The following TMOD3 variants were observed in gnomAD, a reference collection of about 807,000 sequenced individuals.
The protein encoded by TMOD3 is tropomodulin 3, also known as tropomodulin-3.
In TMOD3, 20 loss-of-function variants were observed where a neutral mutation model predicts 39.2. The observed-to-expected ratio is 0.51, with a 90% CI of 0.36 to 0.74. TMOD3 has a LOEUF of 0.74. Ranked by LOEUF, TMOD3 falls within the 30% of genes least tolerant of loss-of-function variation. TMOD3 has a pLI of 0.00. For missense variants in TMOD3, 381 were observed against 412.8 expected, an observed-to-expected ratio of 0.92 and a Z score of 0.67; for synonymous variants, 143 against 145.8, an observed-to-expected ratio of 0.98 and a Z score of 0.14.
At chr15:51,835,011 A>C (rs2141664539) in intron 1 of TMOD3, 1 of 152,344 alleles carries the variant, frequency 6.6e-6, no homozygotes, top group East Asian at 1.9e-4. Context: ...CTTGACTGAG[A>C]TTGATCCAGG....
chr15:51,866,754 T>C (rs137987649), intron 2 of TMOD3, among the ~76,000 whole-genome samples: 2 of 152,300 alleles, frequency 1.3e-5, no homozygotes, highest in African/African-American at 4.8e-5. Context: ...TCAGTAAATA[T>C]TTGGGGGCAA....
At chr15:51,903,207 AT>A (rs1270635120) in intron 9 of TMOD3, among the ~76,000 whole-genome samples, 1 of 152,178 alleles carries the variant, frequency 6.6e-6, no homozygotes, top group Non-Finnish European at 1.5e-5. Context: ...TATGGTTCCT[AT>A]TTAATTGCTT....
intron 1 of TMOD3, chr15:51,860,609 A>C: frequency 1.8e-6 from 1 of 549,198 alleles, no homozygotes; most frequent in Non-Finnish European, 3.6e-6. Context: ...ATACCTTGCT[A>C]AGTTGAGTTT....
intron 1 of TMOD3, chr15:51,860,981 G>T: frequency 3.6e-6 from 2 of 552,070 alleles, no homozygotes; most frequent in East Asian, 9.3e-5. Flanking sequence ...GTTGAACATC[G>T]TCTTTCCTCT....
In TMOD3 at chr15:51,912,917, CAAAG is replaced by C. The variant is rs1202105224; in HGVS notation, c.*4111_*4114del. The stretch of plus-strand genomic sequence containing the variant: ...CCCTAAGATTTGCTTACCAACAAAT[CAAAG>C]AAACGCTTCACTAATTATTTTTAAA... On this transcript the variant is annotated 3_prime_UTR_variant, in exon 10 of 10. Transcript: ENST00000308580. 1.3e-5 allele frequency: 2 copies of C among 152,186 alleles called. No individual in the cohort carries two copies. The highest frequency in any genetic ancestry group is 2.4e-5 in the African/African-American group (1 of 41,454). The allele number at this position is 152,186 out of a possible 1,614,324, so 9.4% of individuals were successfully genotyped here. A position where few individuals can be genotyped will look rare whatever the true frequency, so the allele number is the denominator to read the frequency against.
At position 51,901,572 on chromosome 15, in the gene TMOD3, A is replaced by AGTGTGTGTGTGTGT. The variant is rs57976840; in HGVS notation, c.880-293_880-280dup. On this transcript the variant is annotated intron_variant, in intron 8 of 9. Coordinates refer to ENST00000308580, the MANE Select transcript of TMOD3 (RefSeq NM_014547.5). The stretch of plus-strand genomic sequence containing the variant: ...CATATTACTGAACTTTAAAAAGTTT[A>AGTGTGTGTGTGTGT]GTGTGTGTGTGTGTGTGTGTGTGTG... The AGTGTGTGTGTGTGT allele has an allele frequency of 2.8e-3, 516 of 184,880 alleles. 2 individuals are homozygous for AGTGTGTGTGTGTGT. Among genetic ancestry groups the AGTGTGTGTGTGTGT allele is most frequent in the East Asian group, 4.3e-3 (29 of 6,792 alleles). The allele number at this position is 184,880 out of a possible 1,614,324, so 11.5% of individuals were successfully genotyped here.
At chr15:51,862,402 A>G (rs2056423776) in intron 1 of TMOD3, among the ~76,000 whole-genome samples, 1 of 152,190 alleles carries the variant, frequency 6.6e-6, no homozygotes, top group South Asian at 2.1e-4. Context: ...ACTGAGTCAT[A>G]TTGTTCTCCT....
chr15:51,832,947 C>T (rs2056263880), intron 1 of TMOD3, among the ~76,000 whole-genome samples: 1 of 152,192 alleles, frequency 6.6e-6, no homozygotes, highest in African/African-American at 2.4e-5. Context: ...ATGAGGAGGG[C>T]ATTATTCTCT....
Position 51,897,804 on chromosome 15 carries a change from AAC to A in TMOD3, c.735+1279_735+1280del, listed in dbSNP as rs1480553444. Among the ~76,000 whole-genome samples, 164 of 151,532 alleles carry A rather than the reference AAC, an allele frequency of 1.1e-3. 7 individuals are homozygous for A. The highest frequency in any genetic ancestry group is 8.5e-3 in the East Asian group (44 of 5,156). Reference sequence around the variant, plus strand: ...AGCAAAAAAAAAAAAAAAAACAAAAAACTAATGGAATCATTCTCGACATCCCT... The same window carrying A: ...AGCAAAAAAAAAAAAAAAAACAAAAATAATGGAATCATTCTCGACATCCCT... On this transcript the variant is annotated intron_variant, in intron 7 of 9. Coordinates refer to ENST00000308580, the MANE Select transcript of TMOD3 (RefSeq NM_014547.5).
At chr15:51,890,593 A>C (rs1164270338) in intron 5 of TMOD3, among the ~76,000 whole-genome samples, 2 of 152,140 alleles carry the variant, frequency 1.3e-5, no homozygotes, top group African/African-American at 4.8e-5. Flanking sequence ...TTTAATTTGC[A>C]TGTGAGAAAG....
chr15:51,900,968 A>T (rs1219264636), intron 8 of TMOD3: 1 of 152,120 alleles, frequency 6.6e-6, no homozygotes, highest in African/African-American at 2.4e-5. Context: ...TCATTACCCC[A>T]AAAAGAAACC....
chr15:51,870,260 C>G (rs1223816102), intron 3 of TMOD3, among the ~76,000 whole-genome samples: 1 of 152,056 alleles, frequency 6.6e-6, no homozygotes, highest in East Asian at 1.9e-4. Flanking sequence ...TTTAAAAGTT[C>G]TATATATAAT....
intron 1 of TMOD3, among the ~76,000 whole-genome samples, chr15:51,832,233 G>T (rs1277041045): frequency 1.1e-4 from 6 of 54,462 alleles, no homozygotes; most frequent in Admixed American, 4.4e-4. Context: ...ATATATATAT[G>T]AATGACATGG....
chr15:51,841,148 A>T lies in TMOD3; in HGVS notation c.-75+11312A>T, dbSNP rs143156914. 2.0e-5 allele frequency among the ~76,000 whole-genome samples: 3 copies of T among 152,276 alleles called. No individual in the cohort carries two copies. The East Asian group carries it at 5.8e-4, about 29-fold the overall frequency. On this transcript the variant is annotated intron_variant, in intron 1 of 9. Transcript: ENST00000308580. ...TATTTTGCAAGGTTATTATGAGGAG[A>T]TGTGTATGATAAAGTGCCTGGCATA...
intron 1 of TMOD3, among the ~76,000 whole-genome samples, chr15:51,834,387 C>G (rs1235641444): frequency 6.6e-6 from 1 of 152,072 alleles, no homozygotes; most frequent in African/African-American, 2.4e-5. Context: ...GCTTTTTCTT[C>G]TAGAAACTTT....
At chr15:51,860,464 C>T (rs1268009947) in intron 1 of TMOD3, 20 of 566,706 alleles carry the variant, frequency 3.5e-5, no homozygotes, top group Non-Finnish European at 6.3e-5. Context: ...AGTTTTGGGC[C>T]CTCTGGATGA....
Position 51,885,284 on chromosome 15 carries a change from C to CTTTTTTTTTT in TMOD3, c.284-2296_284-2287dup, listed in dbSNP as rs67378569. 9.5e-5 allele frequency among the ~76,000 whole-genome samples: 12 copies of CTTTTTTTTTT among 126,970 alleles called. 1 individual carries two copies. Among genetic ancestry groups the CTTTTTTTTTT allele is most frequent in the Non-Finnish European group, 1.3e-4 (8 of 59,612 alleles). The allele number at this position is 126,970 out of a possible 152,430, so 83.3% of individuals were successfully genotyped here. A position where few individuals can be genotyped will look rare whatever the true frequency, so the allele number is the denominator to read the frequency against. Reference sequence around the variant, plus strand: ...TTCTAGAGTAACTAGTTTCTTTTTTCTTTTTTTTTTTTTTTTTTAGTATTT... The same window carrying CTTTTTTTTTT: ...TTCTAGAGTAACTAGTTTCTTTTTTCTTTTTTTTTTTTTTTTTTTTTTTTTTTTAGTATTT... On this transcript the variant is annotated intron_variant, in intron 3 of 9. Transcript: ENST00000308580.
At chr15:51,882,956 T>C (rs2056542356) in intron 3 of TMOD3, among the ~76,000 whole-genome samples, 1 of 152,254 alleles carries the variant, frequency 6.6e-6, no homozygotes, top group African/African-American at 2.4e-5. Flanking sequence ...TTAATTTCTT[T>C]ACTTCCACTT....
intron 2 of TMOD3, 145 bp from the exon 3 acceptor site, chr15:51,869,072 A>C (rs542653061): frequency 1.3e-4 from 98 of 773,284 alleles, no homozygotes; most frequent in Non-Finnish European, 1.9e-4. Flanking sequence ...GCAATTGTAC[A>C]TTGCTGTCCT....
Sources: gnomAD v4.1 joint callset for allele counts (sites outside exome capture counted in the v4.1 genomes callset) on GRCh38, gnomAD v4.1.1 for gene constraint, MANE v1.5 for transcripts, NCBI Gene and HGNC (gene_info 2026-07-23, HGNC 2026-07-21) for gene names.